Variants in CATSPERE observed in about 807,000 individuals in gnomAD.
The protein encoded by CATSPERE is cation channel sperm-associated auxiliary subunit epsilon.
In CATSPERE, 93 loss-of-function variants were observed where a neutral mutation model predicts 114.1. That is an observed-to-expected ratio of 0.81 (90% CI 0.69 to 0.97). The LOEUF is 0.97. CATSPERE is among the 50% of genes least tolerant of loss of function. The probability of loss-of-function intolerance (pLI) is 0.00; values close to 1 mark genes in which losing one functional copy is unlikely to be tolerated. For missense variants in CATSPERE, 1,058 were observed against 1,131.6 expected (o/e 0.93, Z 0.93); for synonymous variants, 341 against 384.1 (o/e 0.89, Z 1.31).
intron 8 of CATSPERE, among the ~76,000 whole-genome samples, chr1:244,528,810 C>CAG (rs1308859867): frequency 8.0e-4 from 122 of 151,642 alleles, no homozygotes; most frequent in African/African-American, 2.9e-3. Flanking sequence ...CACACACACA[C>CAG]ACACACACAC....
At chr1:244,609,194 CAAAT>C (rs1253388600) in intron 18 of CATSPERE, among the ~76,000 whole-genome samples, 3 of 151,814 alleles carry the variant, frequency 2.0e-5, no homozygotes, top group South Asian at 2.1e-4. Flanking sequence ...TCTAAACAAA[CAAAT>C]AAATAAATAA....
At chr1:244,600,422 G>A (rs901533169) in intron 17 of CATSPERE, among the ~76,000 whole-genome samples, 23 of 150,938 alleles carry the variant, frequency 1.5e-4, no homozygotes, top group Admixed American at 1.5e-3. Flanking sequence ...TCAGTCACAA[G>A]GAAGGTTGTA....
chr1:244,460,900 A>G (rs935391499), upstream of CATSPERE, among the ~76,000 whole-genome samples: 12 of 152,252 alleles, frequency 7.9e-5, no homozygotes, highest in South Asian at 2.1e-4. Context: ...CCTGGGGGAC[A>G]GAGTGTGACT....
rs1675200363 is a variant in CATSPERE at position 244,640,329 on chromosome 1, A to G, written c.*248A>G. 1 of 254,558 alleles carries G rather than the reference A, an allele frequency of 3.9e-6. No homozygotes were observed. The highest frequency in any genetic ancestry group is 7.4e-6 in the Non-Finnish European group (1 of 134,736). 15.8% of individuals were successfully genotyped at this position (254,558 alleles called of 1,614,324 possible). A position where few individuals can be genotyped will look rare whatever the true frequency, so the allele number is the denominator to read the frequency against. On this transcript the variant is annotated 3_prime_UTR_variant, in exon 22 of 22. Coordinates refer to ENST00000366534, the MANE Select transcript of CATSPERE (RefSeq NM_001130957.2). ...GATACTCTATGTACTCTCACATGGC[A>G]TGAAAAAATAAACTAAATTTGACTA...
At chr1:244,476,251 T>A (rs1669322191) in intron 2 of CATSPERE, among the ~76,000 whole-genome samples, 1 of 152,100 alleles carries the variant, frequency 6.6e-6, no homozygotes, top group Admixed American at 6.6e-5. Context: ...ACAAGCCTGG[T>A]CAACACAGTG....
chr1:244,483,820 T>G (rs1670610155), intron 5 of CATSPERE, among the ~76,000 whole-genome samples: 1 of 152,136 alleles, frequency 6.6e-6, no homozygotes, highest in Admixed American at 6.5e-5. Flanking sequence ...GTGGATAAAT[T>G]TATTAATCCT....
intron 2 of CATSPERE, among the ~76,000 whole-genome samples, chr1:244,465,029 T>C (rs1368651155): frequency 6.6e-6 from 1 of 151,440 alleles, no homozygotes; most frequent in Non-Finnish European, 1.5e-5. Context: ...TTTAAACTTT[T>C]GGAGGCTCCT....
Position 244,536,445 on chromosome 1 carries a change from A to G in CATSPERE, c.537-15877A>G, listed in dbSNP as rs897829185. Among the ~76,000 whole-genome samples the G allele has an allele frequency of 2.6e-5, 4 of 152,184 alleles. No homozygotes were observed. In the South Asian group the frequency reaches 8.3e-4, roughly 32 times the overall value. On this transcript the variant is annotated intron_variant, in intron 8 of 21. Coordinates refer to ENST00000366534, the MANE Select transcript of CATSPERE (RefSeq NM_001130957.2). Reference sequence around the variant, plus strand: ...CAAAACCCATGTTCCCACCATGAGGATGGGCAATTCCCTCTGACTAGGGCT... The same window carrying G: ...CAAAACCCATGTTCCCACCATGAGGGTGGGCAATTCCCTCTGACTAGGGCT...
intron 17 of CATSPERE, among the ~76,000 whole-genome samples, chr1:244,602,222 T>C (rs1353318410): frequency 6.6e-6 from 1 of 152,166 alleles, no homozygotes; most frequent in Non-Finnish European, 1.5e-5. Context: ...TATCCTAAGA[T>C]AATGAACTGA....
In CATSPERE at chr1:244,517,822, C is replaced by T. The variant is rs138958391; in HGVS notation, c.430-770C>T. On this transcript the variant is annotated intron_variant, in intron 7 of 21. Coordinates refer to ENST00000366534, the MANE Select transcript of CATSPERE (RefSeq NM_001130957.2). ...GAGTATTCTTCAGGAAAGGCCTTCCCTGACCATTATTCCTACTTCCCACAA... is the reference window on the plus strand; with the variant it reads ...GAGTATTCTTCAGGAAAGGCCTTCCTTGACCATTATTCCTACTTCCCACAA... Among the ~76,000 whole-genome samples the T allele has an allele frequency of 2.0e-5, 3 of 151,910 alleles. No individual in the cohort carries two copies. In the East Asian group the frequency reaches 5.8e-4, roughly 29 times the overall value.
At chr1:244,627,327 T>C (rs947938875) in intron 20 of CATSPERE, among the ~76,000 whole-genome samples, 1 of 152,094 alleles carries the variant, frequency 6.6e-6, no homozygotes, top group Non-Finnish European at 1.5e-5. Context: ...GGCTGGCACT[T>C]TGGGAGGCCA....
intron 20 of CATSPERE, among the ~76,000 whole-genome samples, chr1:244,626,584 T>C (rs1237476661): frequency 6.6e-6 from 1 of 151,912 alleles, no homozygotes; most frequent in Non-Finnish European, 1.5e-5. Context: ...GTAGCCACCT[T>C]CATCAATCAT....
At chr1:244,601,103 T>G (rs1258865073) in intron 17 of CATSPERE, among the ~76,000 whole-genome samples, 1 of 152,110 alleles carries the variant, frequency 6.6e-6, no homozygotes, top group Non-Finnish European at 1.5e-5. Context: ...AATTTTGAAA[T>G]TCTAGACATG....
chr1:244,460,550 A>G (rs1428353961), upstream of CATSPERE, among the ~76,000 whole-genome samples: 1 of 152,210 alleles, frequency 6.6e-6, no homozygotes, highest in African/African-American at 2.4e-5. Flanking sequence ...GCTTGGGGAG[A>G]CTGATTTGAG....
intron 2 of CATSPERE, among the ~76,000 whole-genome samples, chr1:244,466,875 A>G (rs968339322): frequency 6.6e-6 from 1 of 152,134 alleles, no homozygotes; most frequent in Admixed American, 6.6e-5. Flanking sequence ...AAAACCACCT[A>G]TCTTTGAAGC....
chr1:244,582,551 C>T (rs925944512), intron 12 of CATSPERE, among the ~76,000 whole-genome samples: 1 of 151,790 alleles, frequency 6.6e-6, no homozygotes, highest in Non-Finnish European at 1.5e-5. Context: ...TACAGGCATG[C>T]GCCACCACGG....
intron 7 of CATSPERE, among the ~76,000 whole-genome samples, chr1:244,499,686 T>C (rs185001465): frequency 2.2e-4 from 34 of 152,292 alleles, no homozygotes; most frequent in Middle Eastern, 3.4e-3. Flanking sequence ...TCCTTTTTTA[T>C]GACTGCATAG....
chr1:244,604,995 T>C (rs1168904856), intron 17 of CATSPERE, among the ~76,000 whole-genome samples: 3 of 152,156 alleles, frequency 2.0e-5, no homozygotes, highest in Non-Finnish European at 1.5e-5. Context: ...TCGTCTTGCA[T>C]TCTCTGAGCA....
intron 9 of CATSPERE, among the ~76,000 whole-genome samples, chr1:244,559,787 G>A (rs546863248): frequency 6.6e-6 from 1 of 152,214 alleles, no homozygotes; most frequent in East Asian, 1.9e-4. Flanking sequence ...ACAAAGAGAA[G>A]GCTGATGTGC....
Sources: allele counts gnomAD v4.1 joint callset (sites outside exome capture counted in the v4.1 genomes callset), GRCh38; gene constraint gnomAD v4.1.1; transcripts MANE v1.5; gene names NCBI Gene and HGNC (gene_info 2026-07-23, HGNC 2026-07-21).